The following TMC4 variants were observed in gnomAD, a reference collection of about 807,000 sequenced individuals.
The protein encoded by TMC4 is transmembrane channel like 4, also known as voltage-gated chloride channel TMC4.
Under a neutral mutation model 82.0 loss-of-function variants are expected in TMC4, and 70 were observed. That is an observed-to-expected ratio of 0.85 (90% CI 0.70 to 1.04). The LOEUF (loss-of-function observed/expected upper bound fraction) is 1.04, where lower values mean the gene tolerates loss of function less well. TMC4 is among the 50% of genes least tolerant of loss of function. TMC4 has a pLI of 0.00. For missense variants in TMC4, 879 were observed against 899.0 expected, an observed-to-expected ratio of 0.98 and a Z score of 0.28; for synonymous variants, 446 against 406.0, an observed-to-expected ratio of 1.10 and a Z score of -1.18.
Position 54,160,178 on chromosome 19 carries a change from C to A in TMC4, c.*128G>T. ...GAGTCAGGGACGTGGCGGCGAGGGG[C>A]CCTGGAAATCTCCAGATACCAAAGC... On this transcript the variant is annotated 3_prime_UTR_variant, in exon 15 of 15. Coordinates refer to ENST00000619895, the MANE Select transcript of TMC4 (RefSeq NM_144686.4). 1.9e-6 allele frequency: 2 copies of A among 1,031,058 alleles called. No individual in the cohort carries two copies. The highest frequency in any genetic ancestry group is 2.7e-5 in the Admixed American group (1 of 37,476). The allele number at this position is 1,031,058 out of a possible 1,614,324, so 63.9% of individuals were successfully genotyped here. A position where few individuals can be genotyped will look rare whatever the true frequency, so the allele number is the denominator to read the frequency against.
At position 54,173,103 on chromosome 19, in the gene TMC4, C is replaced by T. The variant is rs200577618; in HGVS notation, c.15G>A (p.Pro5=). The change falls in exon 1 of 15, where the codon CCG becomes CCA. Residue 5 remains proline, a synonymous_variant. Transcript: ENST00000619895. ...AGCCCCAGGCTTCTGATTCCAAGGT[C>T]GGGTTTTCTTCCATGGCCCCAGGCT... MEEN[P]TLESEAWGSS... 4.4e-5 allele frequency: 69 copies of T among 1,573,010 alleles called. No individual in the cohort carries two copies. Among genetic ancestry groups the T allele is most frequent in the Middle Eastern group, 3.3e-4 (2 of 6,014 alleles).
chr19:54,162,292 G>GA lies in TMC4; in HGVS notation c.1503-8dup, dbSNP rs2075577090. The GA allele has an allele frequency of 6.5e-7, 1 of 1,545,280 alleles. No individual in the cohort carries two copies. The highest frequency in any genetic ancestry group is 1.4e-5 in the African/African-American group (1 of 72,552). ...ACAGAGGCCACAGAGGAGCCTGAAGGACGGGGCGGGGCCGGGCCGGAGTCA... is the reference window on the plus strand; with the variant it reads ...ACAGAGGCCACAGAGGAGCCTGAAGGAACGGGGCGGGGCCGGGCCGGAGTCA... On this transcript the variant is annotated splice_region_variant and splice_polypyrimidine_tract_variant and intron_variant, in intron 10 of 14. Coordinates refer to ENST00000619895, the MANE Select transcript of TMC4 (RefSeq NM_144686.4).
At chr19:54,161,346 G>A in intron 11 of TMC4, 86 bp from the exon 12 acceptor site, 6 of 1,307,830 alleles carry the variant, frequency 4.6e-6, no homozygotes, top group Non-Finnish European at 5.9e-6. Flanking sequence ...TTGAGACAGA[G>A]TCTCGCTCTG....
At position 54,163,103 on chromosome 19, in the gene TMC4, T is replaced by C. The variant is rs1568726695; in HGVS notation, c.1334A>G (p.Gln445Arg). The C allele has an allele frequency of 6.2e-7, 1 of 1,613,708 alleles. No individual in the cohort carries two copies. Among genetic ancestry groups the C allele is most frequent in the South Asian group, 1.1e-5 (1 of 91,058 alleles). The change falls in exon 9 of 15, where the codon CAG becomes CGG. Residue 445 changes from glutamine (Q) to arginine (R), a missense_variant. Transcript: ENST00000619895. The part of the protein sequence containing the change: ...LVVLLFSLWN[Q>R]ITCGGDSEAE... ...CTCGGAGTCGCCCCCACAAGTGATC[T>C]GATTCCAGAGAGAGAAGAGCAGGAC...
At chr19:54,162,651 C>T (rs773433366) in intron 10 of TMC4, 22 bp downstream of exon 10, 1 of 1,600,014 alleles carries the variant, frequency 6.2e-7, no homozygotes, top group Admixed American at 1.7e-5. Context: ...GGCGGGGCCA[C>T]AGCAAGGGGC....
rs2075759897 is a variant in TMC4, at chr19:54,168,487, G to T, written c.636C>A (p.Val212=). ...GSYNPHSQGL[V]TFATQLFNLL... is the part of the protein sequence containing the mutation. ...AGTTGAAGAGCTGGGTGGCAAAGGT[G>T]ACCAGGCCCTGGGAGTGGGGGTTAT... is the stretch of plus-strand genomic sequence containing the variant. Residue 212 remains valine (V), a synonymous_variant, in exon 4 of 15, where the codon GTC becomes GTA. Coordinates refer to ENST00000619895, the MANE Select transcript of TMC4 (RefSeq NM_144686.4). The T allele has an allele frequency of 6.5e-7, 1 of 1,547,148 alleles. No homozygotes were observed.
At chr19:54,163,487 T>A (rs1242129347) in intron 8 of TMC4, among the ~76,000 whole-genome samples, 1 of 151,828 alleles carries the variant, frequency 6.6e-6, no homozygotes, top group Admixed American at 6.6e-5. Flanking sequence ...TTCGTATTTT[T>A]ACTACAGACG....
Position 54,166,952 on chromosome 19 carries a change from C to CA in TMC4, c.797+1218dup, listed in dbSNP as rs35524179. On this transcript the variant is annotated intron_variant, in intron 5 of 14. Coordinates refer to ENST00000619895, the MANE Select transcript of TMC4 (RefSeq NM_144686.4). Reference sequence around the variant, plus strand: ...TGGGTGACAGAGCGAGACTCCGTCTCAAAAAAAAAAAAAAGTTGACTTTTG... The same window carrying CA: ...TGGGTGACAGAGCGAGACTCCGTCTCAAAAAAAAAAAAAAAGTTGACTTTTG... 6.4e-3 allele frequency among the ~76,000 whole-genome samples: 886 copies of CA among 139,010 alleles called. 5 individuals carry two copies. Among genetic ancestry groups the CA allele is most frequent in the African/African-American group, 0.017 (657 of 37,644 alleles). 91.2% of individuals were successfully genotyped at this position (139,010 alleles called of 152,430 possible). A position where few individuals can be genotyped will look rare whatever the true frequency, so the allele number is the denominator to read the frequency against.
At chr19:54,171,002 T>C (rs1255992800) in intron 2 of TMC4, among the ~76,000 whole-genome samples, 4 of 151,164 alleles carry the variant, frequency 2.6e-5, no homozygotes, top group Admixed American at 2.6e-4. Context: ...ATCCCACTAC[T>C]GATCGGTGTG....
intron 10 of TMC4, 43 bp downstream of exon 10, chr19:54,162,630 C>T (rs368914780): frequency 1.3e-6 from 2 of 1,506,182 alleles, no homozygotes; most frequent in East Asian, 2.3e-5. Flanking sequence ...GGCACGGCCT[C>T]GTCCTAGAGG....
In TMC4 at chr19:54,163,914, A is replaced by T. The variant is rs2075633571; in HGVS notation, c.1114-27T>A. On this transcript the variant is annotated intron_variant, in intron 7 of 14. Coordinates refer to ENST00000619895, the MANE Select transcript of TMC4 (RefSeq NM_144686.4). Reference sequence around the variant, plus strand: ...TGGGAGCGGGATGGACCATGAGTAGAGGCTTGGGGTCCTGGAGGAGCCAAG... The same window carrying T: ...TGGGAGCGGGATGGACCATGAGTAGTGGCTTGGGGTCCTGGAGGAGCCAAG... 1.9e-6 allele frequency: 3 copies of T among 1,609,810 alleles called. No individual in the cohort carries two copies. The South Asian group carries it at 3.3e-5, about 18-fold the overall frequency.
chr19:54,165,581 C>A lies in TMC4; in HGVS notation c.798-15G>T, dbSNP rs764254850. 1.3e-6 allele frequency: 2 copies of A among 1,589,868 alleles called. No homozygotes were observed. The highest frequency in any genetic ancestry group is 1.7e-6 in the Non-Finnish European group (2 of 1,163,058). On this transcript the variant is annotated splice_polypyrimidine_tract_variant and intron_variant, in intron 5 of 14. Coordinates refer to ENST00000619895, the MANE Select transcript of TMC4 (RefSeq NM_144686.4). Reference sequence around the variant, plus strand: ...CAGACACCGAGCTGAGAGGGGAGACCCGGGAGACGGGAAGTGAAAGGACAG... The same window carrying A: ...CAGACACCGAGCTGAGAGGGGAGACACGGGAGACGGGAAGTGAAAGGACAG...
rs2075833148 is a variant in TMC4, at chr19:54,169,569, T to C, written c.385A>G (p.Thr129Ala). The change falls in exon 3 of 15, where the codon ACA becomes GCA. Residue 129 changes from threonine to alanine, a missense_variant. Thr to Ala is a moderately conservative substitution (Grantham distance 58). Coordinates refer to ENST00000619895, the MANE Select transcript of TMC4 (RefSeq NM_144686.4). ...TGCAGGCTTCGCAAGCCTTCCTTTG[T>C]TTTCTCCTTGGACCTCCGAAGTAGC... Reference protein sequence around the residue: ...ARLLRRSKEKTKEGLRSLQPW... With the variant: ...ARLLRRSKEKAKEGLRSLQPW... 20 of 1,613,936 alleles carry C rather than the reference T, an allele frequency of 1.2e-5. No homozygotes were observed. The highest frequency in any genetic ancestry group is 1.7e-5 in the Non-Finnish European group (20 of 1,180,020).
intron 1 of TMC4, chr19:54,172,606 C>G (rs2075934802): frequency 3.4e-6 from 1 of 296,910 alleles, no homozygotes; most frequent in South Asian, 1.1e-4. Flanking sequence ...AACCAGGTTC[C>G]CAGCCCCTCC....
At chr19:54,162,014 G>C (rs1221161818) in intron 11 of TMC4, 88 bp downstream of exon 11, 1 of 1,214,776 alleles carries the variant, frequency 8.2e-7, no homozygotes, top group African/African-American at 1.6e-5. Flanking sequence ...GAGTAATCCA[G>C]GCCCCCAGGA....
chr19:54,165,874 C>T (rs1324090432), intron 5 of TMC4, among the ~76,000 whole-genome samples: 3 of 152,022 alleles, frequency 2.0e-5, no homozygotes, highest in East Asian at 1.9e-4. Context: ...AAACAGAGGC[C>T]CTGAGGAAGA....
At chr19:54,164,059 C>T (rs1336807548) in intron 7 of TMC4, among the ~76,000 whole-genome samples, 172 bp from the exon 8 acceptor site, 2 of 151,026 alleles carry the variant, frequency 1.3e-5, no homozygotes, top group East Asian at 1.9e-4. Flanking sequence ...GCTGCAACCT[C>T]TGCCTCCCGG....
intron 3 of TMC4, among the ~76,000 whole-genome samples, 196 bp from the exon 4 acceptor site, chr19:54,168,876 TC>T (rs1163701885): frequency 2.5e-5 from 1 of 40,398 alleles, no homozygotes; most frequent in African/African-American, 1.1e-4. Flanking sequence ...TCTTTTCTTT[TC>T]TTTTCTTTTC....
At chr19:54,162,033 G>T in intron 11 of TMC4, 69 bp downstream of exon 11, 1 of 1,389,978 alleles carries the variant, frequency 7.2e-7, no homozygotes, top group Non-Finnish European at 9.8e-7. Context: ...GATCTTCCTT[G>T]CCCTTGACCC....
Sources: gnomAD v4.1 joint callset for allele counts (sites outside exome capture counted in the v4.1 genomes callset) on GRCh38, gnomAD v4.1.1 for gene constraint, MANE v1.5 for transcripts, NCBI Gene and HGNC (gene_info 2026-07-23, HGNC 2026-07-21) for gene names.